EXOC6B: variants seen among roughly 807,000 people sequenced by gnomAD.
EXOC6B encodes the protein exocyst complex component 6B, also known as SEC15 homolog B.
EXOC6B carries 54 observed loss-of-function variants against 113.5 expected under a neutral mutation model. The observed-to-expected ratio is 0.48, with a 90% CI of 0.38 to 0.60. EXOC6B has a LOEUF of 0.60. EXOC6B is among the 20% of genes least tolerant of loss of function. The pLI is 0.00. For synonymous variants in EXOC6B, 357 were observed against 339.0 expected (o/e 1.05, Z -0.58); for missense variants, 797 against 977.5 (o/e 0.82, Z 2.46).
rs908047817 is a variant in EXOC6B, at chr2:72,224,994, G to GTGTATATATATATATATATATA, written c.2197-40808_2197-40807insTATATATATATATATATATACA. On this transcript the variant is annotated intron_variant, in intron 20 of 21. Coordinates refer to ENST00000272427, the MANE Select transcript of EXOC6B (RefSeq NM_015189.3). ...CATCTCTCTCTGTATGTGTGTGTGTGTATATATATATAAATACACATACTT... is the reference window on the plus strand; with the variant it reads ...CATCTCTCTCTGTATGTGTGTGTGTGTGTATATATATATATATATATATATATATATATAAATACACATACTT... Among the ~76,000 whole-genome samples, 161 of 137,202 alleles carry GTGTATATATATATATATATATA rather than the reference G, an allele frequency of 1.2e-3. 1 individual carries two copies. The highest frequency in any genetic ancestry group is 1.8e-3 in the Non-Finnish European group (111 of 62,210). 90.0% of individuals were successfully genotyped at this position (137,202 alleles called of 152,430 possible).
intron 8 of EXOC6B, among the ~76,000 whole-genome samples, chr2:72,554,990 G>A (rs181994797): frequency 2.0e-5 from 3 of 152,208 alleles, no homozygotes; most frequent in Non-Finnish European, 2.9e-5. Context: ...CCACCTATGA[G>A]TGAGAACATG....
intron 8 of EXOC6B, among the ~76,000 whole-genome samples, chr2:72,549,661 A>T (rs140065625): frequency 2.0e-5 from 3 of 152,222 alleles, no homozygotes; most frequent in Non-Finnish European, 4.4e-5. Context: ...GGCAATACAT[A>T]TAAGTCCAAA....
intron 20 of EXOC6B, among the ~76,000 whole-genome samples, chr2:72,276,384 A>G (rs186583173): frequency 1.4e-4 from 21 of 152,250 alleles, no homozygotes; most frequent in African/African-American, 4.8e-4. Context: ...GTTCTCAGAG[A>G]GGTAGGTGTT....
intron 11 of EXOC6B, among the ~76,000 whole-genome samples, chr2:72,504,131 C>T (rs905714721): frequency 6.6e-6 from 1 of 152,074 alleles, no homozygotes; most frequent in African/African-American, 2.4e-5. Flanking sequence ...TGGTTTCAAA[C>T]TCCTGGAATC....
intron 20 of EXOC6B, among the ~76,000 whole-genome samples, chr2:72,218,133 C>A (rs1465692430): frequency 1.3e-5 from 2 of 152,128 alleles, no homozygotes; most frequent in Non-Finnish European, 2.9e-5. Context: ...AGTCAATGCC[C>A]AGTCAGAGGA....
intron 20 of EXOC6B, among the ~76,000 whole-genome samples, chr2:72,206,841 C>T (rs577877743): frequency 3.9e-5 from 6 of 152,082 alleles, no homozygotes; most frequent in Non-Finnish European, 8.8e-5. Context: ...AGTATTTTTC[C>T]TCAAGATAAT....
At chr2:72,721,286 A>C (rs1156477267) in intron 5 of EXOC6B, among the ~76,000 whole-genome samples, 1 of 150,194 alleles carries the variant, frequency 6.7e-6, no homozygotes, top group Non-Finnish European at 1.5e-5. Context: ...CTGAGATCAC[A>C]CCACTGCACT....
intron 20 of EXOC6B, among the ~76,000 whole-genome samples, chr2:72,227,730 A>G (rs1412811454): frequency 6.6e-6 from 1 of 152,210 alleles, no homozygotes; most frequent in African/African-American, 2.4e-5. Context: ...TAAATACCAC[A>G]TTCTTTTAAT....
At chr2:72,329,618 C>T (rs928933213) in intron 20 of EXOC6B, among the ~76,000 whole-genome samples, 1 of 151,926 alleles carries the variant, frequency 6.6e-6, no homozygotes, top group Non-Finnish European at 1.5e-5. Flanking sequence ...CTTCTAGGAA[C>T]ACATAATATT....
At chr2:72,409,666 A>G (rs1411754218) in intron 18 of EXOC6B, among the ~76,000 whole-genome samples, 1 of 146,158 alleles carries the variant, frequency 6.8e-6, no homozygotes, top group Non-Finnish European at 1.5e-5. Context: ...GAATTGAACA[A>G]TGAGAACACG....
At chr2:72,671,879 G>T (rs918708735) in intron 6 of EXOC6B, among the ~76,000 whole-genome samples, 33 of 146,880 alleles carry the variant, frequency 2.2e-4, no homozygotes, top group Admixed American at 9.7e-4. Context: ...AAGGAATGAA[G>T]GAAGGAAGGA....
chr2:72,315,156 A>T lies in EXOC6B; in HGVS notation c.2196+19791T>A, dbSNP rs570290713. On this transcript the variant is annotated intron_variant, in intron 20 of 21. Coordinates refer to ENST00000272427, the MANE Select transcript of EXOC6B (RefSeq NM_015189.3). ...AACTTTAAGTGACTTGAATATCAAGACCTGAACAAGATGAAGGAACAAGTA... is the reference window on the plus strand; with the variant it reads ...AACTTTAAGTGACTTGAATATCAAGTCCTGAACAAGATGAAGGAACAAGTA... Among the ~76,000 whole-genome samples the T allele has an allele frequency of 3.3e-5, 5 of 152,292 alleles. No homozygotes were observed. In the South Asian group the frequency reaches 8.3e-4, roughly 25 times the overall value.
chr2:72,478,084 G>A (rs1304423625), intron 17 of EXOC6B, among the ~76,000 whole-genome samples: 1 of 152,024 alleles, frequency 6.6e-6, no homozygotes, highest in Non-Finnish European at 1.5e-5. Flanking sequence ...TATTATTCCA[G>A]TATAGTGGGT....
intron 20 of EXOC6B, among the ~76,000 whole-genome samples, chr2:72,233,027 A>G (rs1474271152): frequency 6.6e-6 from 1 of 151,766 alleles, no homozygotes; most frequent in Non-Finnish European, 1.5e-5. Context: ...AGCCGAGACC[A>G]TGCCACTGCA....
At chr2:72,682,095 C>A (rs910477162) in intron 6 of EXOC6B, among the ~76,000 whole-genome samples, 3 of 151,524 alleles carry the variant, frequency 2.0e-5, no homozygotes, top group African/African-American at 7.3e-5. Context: ...TTCCTAGAAC[C>A]AAAGTCTTGA....
At chr2:72,634,206 T>C (rs867045840) in intron 6 of EXOC6B, among the ~76,000 whole-genome samples, 2 of 152,200 alleles carry the variant, frequency 1.3e-5, no homozygotes, top group African/African-American at 2.4e-5. Context: ...CTACAGCCCA[T>C]GACTTAAAGC....
chr2:72,559,290 A>C (rs1474101490), intron 8 of EXOC6B, among the ~76,000 whole-genome samples, 163 bp downstream of exon 8: 8 of 152,370 alleles, frequency 5.3e-5, no homozygotes, highest in Admixed American at 2.0e-4. Flanking sequence ...TTACATAAAA[A>C]CATGAGATTC....
At chr2:72,288,628 A>C (rs1406058344) in intron 20 of EXOC6B, among the ~76,000 whole-genome samples, 1 of 152,248 alleles carries the variant, frequency 6.6e-6, no homozygotes, top group East Asian at 1.9e-4. Context: ...TAATCCCACT[A>C]GATACTATAT....
chr2:72,212,773 G>T (rs2104390994), intron 20 of EXOC6B, among the ~76,000 whole-genome samples: 1 of 152,304 alleles, frequency 6.6e-6, no homozygotes, highest in Non-Finnish European at 1.5e-5. Context: ...AATACCAATT[G>T]TAGTACATGA....
Sources: gnomAD v4.1 joint callset for allele counts (sites outside exome capture counted in the v4.1 genomes callset) on GRCh38, gnomAD v4.1.1 for gene constraint, MANE v1.5 for transcripts, NCBI Gene and HGNC (gene_info 2026-07-23, HGNC 2026-07-21) for gene names.